Variants in SUCO observed in about 807,000 individuals in gnomAD.
SUCO encodes SUN domain containing ossification factor, also known as SUN domain-containing ossification factor.
SUCO carries 57 observed loss-of-function variants against 148.1 expected under a neutral mutation model. That is an observed-to-expected ratio of 0.38 (90% CI 0.31 to 0.48). The LOEUF (loss-of-function observed/expected upper bound fraction) is 0.48, where lower values mean the gene tolerates loss of function less well. SUCO is among the 20% of genes least tolerant of loss of function. The probability of loss-of-function intolerance (pLI) is 0.96; values close to 1 mark genes in which losing one functional copy is unlikely to be tolerated. For missense variants in SUCO, 1,331 were observed against 1,468.2 expected (o/e 0.91, Z 1.53); for synonymous variants, 470 against 502.7 (o/e 0.93, Z 0.87).
intron 19 of SUCO, among the ~76,000 whole-genome samples, chr1:172,596,289 T>C (rs184580183): frequency 1.4e-4 from 22 of 152,366 alleles, no homozygotes; most frequent in African/African-American, 4.6e-4. Flanking sequence ...TGTGTACTTG[T>C]CAAAGTCATT....
intron 22 of SUCO, among the ~76,000 whole-genome samples, chr1:172,604,067 G>T (rs375081684): frequency 7.9e-5 from 12 of 151,758 alleles, no homozygotes; most frequent in East Asian, 3.9e-4. Flanking sequence ...TTATGAATTT[G>T]CCCTTCTATC....
intron 1 of SUCO, among the ~76,000 whole-genome samples, chr1:172,537,486 C>T (rs958481588): frequency 1.1e-4 from 16 of 152,206 alleles, no homozygotes; most frequent in Admixed American, 9.8e-4. Flanking sequence ...TTTTTAAAAG[C>T]TGCTTCCCGA....
At chr1:172,572,367 C>T (rs1461944795) in intron 9 of SUCO, among the ~76,000 whole-genome samples, 2 of 151,892 alleles carry the variant, frequency 1.3e-5, no homozygotes, top group Non-Finnish European at 2.9e-5. Context: ...AAAAATTCTT[C>T]TGCCTTGTGA....
rs749835783 is a variant in SUCO, at chr1:172,578,445, C to G, written c.1432+56C>G. 1.2e-5 allele frequency: 18 copies of G among 1,535,068 alleles called. No individual in the cohort carries two copies. In the Admixed American group the frequency reaches 2.8e-4, roughly 24 times the overall value. ...TATATTTTTTTTACTTTTTAAAAAT[C>G]GAATAGTAATGGGGGAGTATAGCTT... On this transcript the variant is annotated intron_variant, in intron 14 of 23. Coordinates refer to ENST00000263688, the MANE Select transcript of SUCO (RefSeq NM_014283.5).
rs1190888103 is a variant in SUCO, at chr1:172,577,672, T to C, written c.1285-92T>C. The C allele has an allele frequency of 9.5e-6, 15 of 1,575,006 alleles. No individual in the cohort carries two copies. In the African/African-American group the frequency reaches 1.2e-4, roughly 13 times the overall value. On this transcript the variant is annotated intron_variant, in intron 12 of 23. Coordinates refer to ENST00000263688, the MANE Select transcript of SUCO (RefSeq NM_014283.5). The stretch of plus-strand genomic sequence containing the variant: ...AAAATAAGGACTTTATAGAAATGTT[T>C]AGAAATGTTATAATGAAAAAACTGA...
At position 172,597,358 on chromosome 1, in the gene SUCO, C is replaced by T. The variant is rs185777663; in HGVS notation, c.2914-2706C>T. 5.4e-3 allele frequency among the ~76,000 whole-genome samples: 819 copies of T among 152,336 alleles called. 1 individual carries two copies. The highest frequency in any genetic ancestry group is 8.2e-3 in the Non-Finnish European group (557 of 68,028). The stretch of plus-strand genomic sequence containing the variant: ...TAATGCAGAAATCACCCGTCTTCTG[C>T]GTCGCTGATGCTGGGGGCTGTAGAC... On this transcript the variant is annotated intron_variant, in intron 19 of 23. Coordinates refer to ENST00000263688, the MANE Select transcript of SUCO (RefSeq NM_014283.5).
At chr1:172,536,898 A>G (rs897895144) in intron 1 of SUCO, among the ~76,000 whole-genome samples, 2 of 152,152 alleles carry the variant, frequency 1.3e-5, no homozygotes, top group African/African-American at 4.8e-5. Flanking sequence ...TCCTCTTATA[A>G]GGACTATTGT....
chr1:172,555,261 G>T, intron 3 of SUCO: 1 of 255,438 alleles, frequency 3.9e-6, no homozygotes, highest in Non-Finnish European at 6.1e-6. Context: ...GAACACTGGA[G>T]GCATAGGGGA....
At chr1:172,608,153 T>C (rs958156705) in intron 22 of SUCO, 1 of 877,230 alleles carries the variant, frequency 1.1e-6, no homozygotes, top group Non-Finnish European at 1.4e-6. Context: ...CCAGAAGTGT[T>C]CATTCATTAT....
In SUCO at chr1:172,577,566, A is replaced by C; in HGVS notation, c.1284+7A>C. 1.2e-6 allele frequency: 2 copies of C among 1,611,050 alleles called. No homozygotes were observed. Among genetic ancestry groups the C allele is most frequent in the Non-Finnish European group, 1.7e-6 (2 of 1,178,494 alleles). On this transcript the variant is annotated splice_region_variant and intron_variant, in intron 12 of 23. Transcript: ENST00000263688. ...GTTCATCAAGTACATAAAGGTTAGC[A>C]ACCTTCTCTTTTGCACTATTAAATA...
intron 18 of SUCO, among the ~76,000 whole-genome samples, chr1:172,590,774 C>T (rs932932987): frequency 5.3e-5 from 8 of 152,080 alleles, no homozygotes; most frequent in Non-Finnish European, 8.8e-5. Context: ...TCTTACTTTT[C>T]CCTACCTCCA....
chr1:172,575,659 G>T, intron 11 of SUCO, 36 bp downstream of exon 11: 1 of 1,398,980 alleles, frequency 7.1e-7, no homozygotes, highest in South Asian at 1.2e-5. Context: ...GTTCTATAAT[G>T]AAAATATACG....
chr1:172,552,398 T>G (rs1295668408), intron 2 of SUCO, among the ~76,000 whole-genome samples: 1 of 152,064 alleles, frequency 6.6e-6, no homozygotes, highest in Non-Finnish European at 1.5e-5. Flanking sequence ...CTTTTCATGT[T>G]GATATATTCT....
chr1:172,599,455 T>C, intron 19 of SUCO: 2 of 816,632 alleles, frequency 2.4e-6, no homozygotes, highest in Non-Finnish European at 3.0e-6. Context: ...TCTTTGTTGA[T>C]TATAAAAGTT....
chr1:172,539,749 C>G (rs2149217414), intron 1 of SUCO, among the ~76,000 whole-genome samples: 1 of 152,260 alleles, frequency 6.6e-6, no homozygotes, highest in African/African-American at 2.4e-5. Flanking sequence ...ACTCTAGCTA[C>G]TTTGGTAATT....
chr1:172,594,435 G>A (rs932280393), intron 19 of SUCO, among the ~76,000 whole-genome samples: 1 of 151,978 alleles, frequency 6.6e-6, no homozygotes, highest in Admixed American at 6.6e-5. Flanking sequence ...AAATTTCCCT[G>A]TACACACTGC....
At chr1:172,582,712 T>C (rs1225341005) in intron 15 of SUCO, among the ~76,000 whole-genome samples, 1 of 152,126 alleles carries the variant, frequency 6.6e-6, no homozygotes, top group Non-Finnish European at 1.5e-5. Context: ...CAATTCTGCT[T>C]TCTCTCAAAA....
In SUCO at chr1:172,562,011, C is replaced by T. The variant is rs576193670; in HGVS notation, c.732+4217C>T. On this transcript the variant is annotated intron_variant, in intron 6 of 23. Transcript: ENST00000263688. ...TTTGGGCAGGCACCTACCAGCCCCC[C>T]AAACACTTCTAAGCAATATCAGAGT... is the stretch of plus-strand genomic sequence containing the variant. Among the ~76,000 whole-genome samples, 7 of 152,256 alleles carry T rather than the reference C, an allele frequency of 4.6e-5. 1 individual carries two copies. Among genetic ancestry groups the T allele is most frequent in the African/African-American group, 1.7e-4 (7 of 41,528 alleles).
intron 4 of SUCO, chr1:172,556,853 T>C (rs1308125944): frequency 2.4e-6 from 2 of 849,618 alleles, no homozygotes; most frequent in Non-Finnish European, 2.8e-6. Context: ...GACTGGTTAA[T>C]GAAATGGAGG....
Sources: allele counts gnomAD v4.1 joint callset (sites outside exome capture counted in the v4.1 genomes callset), GRCh38; gene constraint gnomAD v4.1.1; transcripts MANE v1.5; gene names NCBI Gene and HGNC (gene_info 2026-07-23, HGNC 2026-07-21).